Variants in PALLD observed in about 807,000 individuals in gnomAD.
PALLD encodes palladin.
In PALLD, 61 loss-of-function variants were observed where a neutral mutation model predicts 123.5. The ratio of observed to expected loss-of-function variants is 0.49; its 90% confidence interval spans 0.40 to 0.61. The LOEUF (loss-of-function observed/expected upper bound fraction) is 0.61, where lower values mean the gene tolerates loss of function less well. Ranked by LOEUF, PALLD falls within the 20% of genes least tolerant of loss-of-function variation. PALLD has a pLI of 0.00. For missense variants in PALLD, 1,273 were observed against 1,377.0 expected (o/e 0.92, Z 1.20); for synonymous variants, 465 against 496.4 (o/e 0.94, Z 0.84).
At chr4:168,799,786 A>T (rs1169133394) in intron 10 of PALLD, among the ~76,000 whole-genome samples, 1 of 115,472 alleles carries the variant, frequency 8.7e-6, no homozygotes, top group African/African-American at 2.6e-5. Flanking sequence ...TATCTTAAAC[A>T]TTATATTCTT....
chr4:168,726,537 C>G (rs1786602318), intron 10 of PALLD, among the ~76,000 whole-genome samples: 1 of 151,670 alleles, frequency 6.6e-6, no homozygotes. Flanking sequence ...CTCTGTTGTC[C>G]ATGCCTGGCT....
intron 10 of PALLD, among the ~76,000 whole-genome samples, chr4:168,727,234 A>G (rs1050169292): frequency 1.3e-5 from 2 of 152,178 alleles, no homozygotes; most frequent in African/African-American, 4.8e-5. Context: ...TCCTTTGGGT[A>G]TATACCCAGT....
At chr4:168,612,103 T>C (rs1243897400) in intron 2 of PALLD, among the ~76,000 whole-genome samples, 1 of 152,126 alleles carries the variant, frequency 6.6e-6, no homozygotes, top group Non-Finnish European at 1.5e-5. Flanking sequence ...GAGGCTGCAG[T>C]GAGCCAGGAT....
chr4:168,921,689 A>G lies in PALLD; in HGVS notation c.3006A>G (p.Ile1002Met). 1.9e-6 allele frequency: 3 copies of G among 1,611,654 alleles called. No individual in the cohort carries two copies. Among genetic ancestry groups the G allele is most frequent in the South Asian group, 1.1e-5 (1 of 90,934 alleles). ...GTGATGCCGGCATCTACACATGTAT[A>G]GCTACCAACCGAGCAGGACAGAACT... is the stretch of plus-strand genomic sequence containing the variant. The part of the protein sequence containing the change: ...TSRDAGIYTC[I>M]ATNRAGQNSF... Residue 1002 changes from isoleucine to methionine, a missense_variant, in exon 18 of 22, where the codon ATA becomes ATG. Coordinates refer to ENST00000505667, the MANE Select transcript of PALLD (RefSeq NM_001166108.2).
chr4:168,828,426 T>C (rs1221017482), intron 10 of PALLD, among the ~76,000 whole-genome samples: 1 of 152,240 alleles, frequency 6.6e-6, no homozygotes, highest in Admixed American at 6.5e-5. Context: ...CTTTATAAAA[T>C]ATTATCATGT....
chr4:168,888,355 C>T (rs992191106), intron 10 of PALLD, among the ~76,000 whole-genome samples: 1 of 151,950 alleles, frequency 6.6e-6, no homozygotes, highest in African/African-American at 2.4e-5. Context: ...CAAGGAGATT[C>T]GATGCACAGG....
At chr4:168,640,313 G>A (rs1182176214) in intron 2 of PALLD, among the ~76,000 whole-genome samples, 2 of 152,026 alleles carry the variant, frequency 1.3e-5, no homozygotes, top group African/African-American at 4.8e-5. Flanking sequence ...CAACTCATTT[G>A]GGACTCTAAT....
At chr4:168,787,397 A>G (rs1415458462) in intron 10 of PALLD, among the ~76,000 whole-genome samples, 2 of 152,250 alleles carry the variant, frequency 1.3e-5, no homozygotes, top group African/African-American at 4.8e-5. Context: ...TGGAAGTAGT[A>G]TTGAAGTTTT....
At chr4:168,682,049 T>A (rs922123048) in intron 4 of PALLD, among the ~76,000 whole-genome samples, 13 of 152,212 alleles carry the variant, frequency 8.5e-5, no homozygotes, top group Admixed American at 6.5e-4. Flanking sequence ...TTTATGCAAG[T>A]TGGAAAATAT....
At chr4:168,576,193 G>A (rs950207846) in intron 2 of PALLD, among the ~76,000 whole-genome samples, 1 of 151,658 alleles carries the variant, frequency 6.6e-6, no homozygotes, top group African/African-American at 2.4e-5. Flanking sequence ...ATAATCTGTG[G>A]TGCTTACAAT....
intron 1 of PALLD, among the ~76,000 whole-genome samples, chr4:168,500,334 G>C (rs773723405): frequency 6.6e-6 from 1 of 152,030 alleles, no homozygotes; most frequent in African/African-American, 2.4e-5. Context: ...TTGATTCATG[G>C]GGATCATGCC....
intron 2 of PALLD, among the ~76,000 whole-genome samples, chr4:168,540,004 C>A (rs1223458275): frequency 6.6e-6 from 1 of 151,848 alleles, no homozygotes; most frequent in Non-Finnish European, 1.5e-5. Context: ...TCTACTGTTG[C>A]CATCTTTATG....
intron 15 of PALLD, among the ~76,000 whole-genome samples, chr4:168,910,449 G>A (rs1370594370): frequency 6.6e-6 from 1 of 151,870 alleles, no homozygotes; most frequent in Non-Finnish European, 1.5e-5. Flanking sequence ...AAGGTATTTT[G>A]TTTTTCCTTT....
chr4:168,926,924 C>T lies in PALLD; in HGVS notation c.*744C>T, dbSNP rs1344187801. On this transcript the variant is annotated 3_prime_UTR_variant, in exon 22 of 22. Transcript: ENST00000505667. ...CTTTGCAAATGTTTTTATATTAAAT[C>T]ATAAGGAAGGAACTACTTGCCTTAA... The T allele has an allele frequency of 4.6e-6, 1 of 219,634 alleles. No individual in the cohort carries two copies. Among genetic ancestry groups the T allele is most frequent in the African/African-American group, 2.2e-5 (1 of 44,610 alleles). The allele number at this position is 219,634 out of a possible 1,614,324, so 13.6% of individuals were successfully genotyped here.
intron 2 of PALLD, among the ~76,000 whole-genome samples, chr4:168,524,244 A>G (rs1763838384): frequency 6.6e-6 from 1 of 152,244 alleles, no homozygotes. Context: ...TTACTTGGCC[A>G]GTACTATATG....
chr4:168,901,934 C>G (rs1331717598), intron 14 of PALLD, among the ~76,000 whole-genome samples: 1 of 152,148 alleles, frequency 6.6e-6, no homozygotes, highest in African/African-American at 2.4e-5. Context: ...TTTTACAACT[C>G]AAAGTTATTA....
At chr4:168,734,009 A>G (rs1250029441) in intron 10 of PALLD, among the ~76,000 whole-genome samples, 1 of 152,234 alleles carries the variant, frequency 6.6e-6, no homozygotes, top group African/African-American at 2.4e-5. Flanking sequence ...TGCTGGGATT[A>G]CAGGCGTTGA....
chr4:168,727,727 T>C (rs2150293818), intron 10 of PALLD, among the ~76,000 whole-genome samples: 1 of 152,336 alleles, frequency 6.6e-6, no homozygotes, highest in African/African-American at 2.4e-5. Context: ...ATCCCACTTG[T>C]CAATTTTTGG....
At chr4:168,914,045 A>C in intron 16 of PALLD, 24 bp downstream of exon 16, 1 of 1,328,028 alleles carries the variant, frequency 7.5e-7, no homozygotes, top group Non-Finnish European at 1.1e-6. Flanking sequence ...TCCTTCCCAG[A>C]AGTGTTACAT....
Sources: gnomAD v4.1 joint callset for allele counts (sites outside exome capture counted in the v4.1 genomes callset) on GRCh38, gnomAD v4.1.1 for gene constraint, MANE v1.5 for transcripts, NCBI Gene and HGNC (gene_info 2026-07-23, HGNC 2026-07-21) for gene names.